CFAP251: variants seen among roughly 807,000 people sequenced by gnomAD.
CFAP251 encodes cilia and flagella associated protein 251.
A neutral mutation model predicts 126.7 loss-of-function variants in CFAP251; 93 were observed. The observed-to-expected ratio is 0.73, with a 90% CI of 0.62 to 0.87. The LOEUF (loss-of-function observed/expected upper bound fraction) is 0.87, where lower values mean the gene tolerates loss of function less well. CFAP251 is among the 40% of genes least tolerant of loss of function. The pLI, the probability that CFAP251 is intolerant of heterozygous loss-of-function variation, is 0.00. For missense variants in CFAP251, 1,287 were observed against 1,389.2 expected (o/e 0.93, Z 1.17); for synonymous variants, 503 against 506.9 (o/e 0.99, Z 0.10).
In CFAP251 at chr12:121,957,703, CAA is replaced by C. The variant is rs11416000; in HGVS notation, c.1730+454_1730+455del. 8.9e-3 allele frequency among the ~76,000 whole-genome samples: 992 copies of C among 110,920 alleles called. 7 individuals carry two copies. Among genetic ancestry groups the C allele is most frequent in the African/African-American group, 0.032 (932 of 28,720 alleles). 72.8% of individuals were successfully genotyped at this position (110,920 alleles called of 152,430 possible). ...TGGGCGACAGAGCGAGACTCTGTCT[CAA>C]AAAAAAAAAAAAAAAAAATTAATGA... On this transcript the variant is annotated intron_variant, in intron 11 of 21. Transcript: ENST00000288912.
intron 15 of CFAP251, among the ~76,000 whole-genome samples, chr12:121,962,967 G>C (rs1881995282): frequency 6.6e-6 from 1 of 152,202 alleles, no homozygotes; most frequent in African/African-American, 2.4e-5. Flanking sequence ...GAGCAGGTCA[G>C]AGGTACGGGC....
intron 8 of CFAP251, chr12:121,949,632 C>T (rs1881452585): frequency 6.6e-6 from 1 of 152,400 alleles, no homozygotes; most frequent in East Asian, 1.9e-4. Context: ...ACTGTACTTC[C>T]AGCACCATGG....
rs1009622149 is a variant in CFAP251, at chr12:121,921,291, A to G, written c.-15A>G. On this transcript the variant is annotated 5_prime_UTR_variant, in exon 2 of 22. Transcript: ENST00000288912. ...TATGGTCAAAATCTCTCTAGAGGAA[A>G]CTCTACAGAGAAGAATGTCAGATGC... The G allele has an allele frequency of 6.4e-7, 1 of 1,559,018 alleles. No homozygotes were observed. Among genetic ancestry groups the G allele is most frequent in the Non-Finnish European group, 8.6e-7 (1 of 1,160,290 alleles).
At chr12:121,919,143 A>ATTTTT (rs11374417) in intron 1 of CFAP251, among the ~76,000 whole-genome samples, 2 of 146,558 alleles carry the variant, frequency 1.4e-5, no homozygotes, top group African/African-American at 2.5e-5. Context: ...TATTATTATT[A>ATTTTT]TTTTTTTTTT....
intron 15 of CFAP251, among the ~76,000 whole-genome samples, chr12:121,965,719 C>G (rs1406860833): frequency 6.6e-6 from 1 of 151,670 alleles, no homozygotes; most frequent in Non-Finnish European, 1.5e-5. Flanking sequence ...ATTATAATTA[C>G]AAAAGAAATT....
At chr12:121,969,064 C>T in intron 17 of CFAP251, 2 of 985,378 alleles carry the variant, frequency 2.0e-6, no homozygotes, top group South Asian at 9.4e-5. Context: ...GGCTGGGCCT[C>T]TCTCGGTAGT....
rs201834137 is a variant in CFAP251, at chr12:121,952,419, AT to A, written c.1320+890del. Among the ~76,000 whole-genome samples the A allele has an allele frequency of 3.2e-3, 451 of 140,998 alleles. 1 individual carries two copies. Among genetic ancestry groups the A allele is most frequent in the African/African-American group, 5.8e-3 (217 of 37,342 alleles). 92.5% of individuals were successfully genotyped at this position (140,998 alleles called of 152,430 possible). On this transcript the variant is annotated intron_variant, in intron 9 of 21. Transcript: ENST00000288912. ...TGGGCAACAGAACAAGACCCTGTATATAAAAAAAAAAAAAATGAATGAAACA... is the reference window on the plus strand; with the variant it reads ...TGGGCAACAGAACAAGACCCTGTATAAAAAAAAAAAAAAATGAATGAAACA...
chr12:121,963,226 G>A (rs943076395), intron 15 of CFAP251, among the ~76,000 whole-genome samples: 6 of 152,154 alleles, frequency 3.9e-5, no homozygotes, highest in South Asian at 2.1e-4. Flanking sequence ...TATCCTGCCG[G>A]CAAAGCGAAC....
At position 121,959,041 on chromosome 12, in the gene CFAP251, A is replaced by G. The variant is rs779712730; in HGVS notation, c.2080A>G (p.Thr694Ala). 2 of 1,612,822 alleles carry G rather than the reference A, an allele frequency of 1.2e-6. No homozygotes were observed. Residue 694 changes from threonine to alanine, a missense_variant, in exon 13 of 22, where the codon ACC (threonine) becomes GCC (alanine). Coordinates refer to ENST00000288912, the MANE Select transcript of CFAP251 (RefSeq NM_144668.6). ...ESPEPFKYSR[T>A]SVTHISFSHD... ...CCCAGAGCCTTTCAAATATTCCAGA[A>G]CCAGTGTGACTCATATAAGCTTTTC... is the stretch of plus-strand genomic sequence containing the variant.
At chr12:121,923,596 T>C (rs1270957203) in intron 2 of CFAP251, 26 bp from the exon 3 acceptor site, 1 of 1,582,724 alleles carries the variant, frequency 6.3e-7, no homozygotes, top group African/African-American at 1.4e-5. Flanking sequence ...ACATATGGAA[T>C]CATGATATTT....
chr12:121,947,104 A>C (rs1429955018), intron 7 of CFAP251, among the ~76,000 whole-genome samples: 4 of 151,854 alleles, frequency 2.6e-5, no homozygotes, highest in Admixed American at 2.6e-4. Flanking sequence ...GTCTTGTCCC[A>C]CTGGTCTTTT....
intron 7 of CFAP251, 82 bp from the exon 8 acceptor site, chr12:121,948,902 A>T: frequency 2.5e-6 from 2 of 815,252 alleles, no homozygotes; most frequent in Non-Finnish European, 3.8e-6. Flanking sequence ...GTTTTAATTA[A>T]AATTATTATT....
At chr12:121,923,314 C>T (rs1412177244) in intron 2 of CFAP251, among the ~76,000 whole-genome samples, 4 of 152,122 alleles carry the variant, frequency 2.6e-5, no homozygotes, top group South Asian at 2.1e-4. Flanking sequence ...TGTACCACCA[C>T]GCCCAGCTAA....
chr12:121,934,324 C>T lies in CFAP251; in HGVS notation c.966C>T (p.Asp322=). The stretch of plus-strand genomic sequence containing the variant: ...TCGCCACAGCAGACAAAGGGCCAGA[C>T]TGCCTGGTGATTATATGGGACTCCT... ...RWIATADKGP[D]CLVIIWDSFT... The change falls in exon 5 of 22, where the codon GAC becomes GAT. Residue 322 remains aspartate, a synonymous_variant. Coordinates refer to ENST00000288912, the MANE Select transcript of CFAP251 (RefSeq NM_144668.6). 1 of 1,614,102 alleles carries T rather than the reference C, an allele frequency of 6.2e-7. No homozygotes were observed. Among genetic ancestry groups the T allele is most frequent in the Non-Finnish European group, 8.5e-7 (1 of 1,179,994 alleles).
At chr12:121,984,047 T>C (rs1178915852) in intron 19 of CFAP251, among the ~76,000 whole-genome samples, 3 of 152,192 alleles carry the variant, frequency 2.0e-5, no homozygotes, top group African/African-American at 7.2e-5. Flanking sequence ...CACACTTGGT[T>C]ACAGAAAAGA....
chr12:121,928,843 C>T (rs938287915), intron 3 of CFAP251, among the ~76,000 whole-genome samples: 2 of 151,630 alleles, frequency 1.3e-5, no homozygotes, highest in South Asian at 2.1e-4. Context: ...ATTACAGGTG[C>T]ACACCACCAT....
intron 17 of CFAP251, chr12:121,969,040 G>C: frequency 1.0e-6 from 1 of 985,172 alleles, no homozygotes; most frequent in Non-Finnish European, 1.2e-6. Flanking sequence ...AAGCCCCTGC[G>C]CTGCCTGTGG....
chr12:121,981,444 C>A (rs1416136117), intron 19 of CFAP251, among the ~76,000 whole-genome samples: 1 of 152,138 alleles, frequency 6.6e-6, no homozygotes, highest in Non-Finnish European at 1.5e-5. Context: ...CACACACACA[C>A]CCCACACTCC....
chr12:121,985,523 A>C, intron 19 of CFAP251, among the ~76,000 whole-genome samples: 1 of 143,730 alleles, frequency 7.0e-6, no homozygotes, highest in Non-Finnish European at 1.5e-5. Flanking sequence ...GCGACAGAGC[A>C]AGACTCCATC....
Sources: allele counts gnomAD v4.1 joint callset (sites outside exome capture counted in the v4.1 genomes callset), GRCh38; gene constraint gnomAD v4.1.1; transcripts MANE v1.5; gene names NCBI Gene and HGNC (gene_info 2026-07-23, HGNC 2026-07-21).